Variants in NLGN1 observed in about 807,000 individuals in gnomAD.
The protein encoded by NLGN1 is neuroligin-1.
Under a neutral mutation model 65.5 loss-of-function variants are expected in NLGN1, and 12 were observed. The observed-to-expected ratio is 0.18, with a 90% CI of 0.12 to 0.30. NLGN1 has a LOEUF of 0.30. Ranked by LOEUF, NLGN1 falls within the 10% of genes least tolerant of loss-of-function variation. NLGN1 has a pLI of 1.00. For synonymous variants in NLGN1, 350 were observed against 359.5 expected, an observed-to-expected ratio of 0.97 and a Z score of 0.30; for missense variants, 750 against 1,007.1, an observed-to-expected ratio of 0.74 and a Z score of 3.46.
At chr3:173,857,237 G>A (rs535494313) in intron 4 of NLGN1, among the ~76,000 whole-genome samples, 3 of 152,004 alleles carry the variant, frequency 2.0e-5, no homozygotes, top group Non-Finnish European at 4.4e-5. Context: ...TTGGACACAA[G>A]TGTTACTGTT....
At chr3:173,503,102 G>A (rs532489528) in intron 2 of NLGN1, among the ~76,000 whole-genome samples, 3 of 151,932 alleles carry the variant, frequency 2.0e-5, no homozygotes, top group South Asian at 4.2e-4. Context: ...GTGTGTGTGC[G>A]TGTGAGTGTA....
At chr3:173,447,594 A>G (rs1358696754) in intron 2 of NLGN1, among the ~76,000 whole-genome samples, 1 of 152,188 alleles carries the variant, frequency 6.6e-6, no homozygotes, top group Non-Finnish European at 1.5e-5. Context: ...CAATTCTGTG[A>G]AGAAAGTCAT....
At chr3:173,573,620 AAGAC>A (rs1230566665) in intron 2 of NLGN1, among the ~76,000 whole-genome samples, 5 of 150,832 alleles carry the variant, frequency 3.3e-5, no homozygotes, top group Admixed American at 1.3e-4. Flanking sequence ...GTATAGGAAG[AAGAC>A]AGGCTTTCCT....
At chr3:173,480,514 A>T (rs994698265) in intron 2 of NLGN1, among the ~76,000 whole-genome samples, 1 of 152,116 alleles carries the variant, frequency 6.6e-6, no homozygotes, top group African/African-American at 2.4e-5. Context: ...TAGATCCAAG[A>T]TGTTACTCAT....
intron 4 of NLGN1, among the ~76,000 whole-genome samples, chr3:173,954,799 C>G (rs141154446): frequency 1.2e-3 from 186 of 152,088 alleles, no homozygotes; most frequent in African/African-American, 4.2e-3. Flanking sequence ...TCTTAAATAG[C>G]AACATAAACA....
chr3:173,959,697 A>T (rs978927064), intron 4 of NLGN1, among the ~76,000 whole-genome samples: 1 of 152,228 alleles, frequency 6.6e-6, no homozygotes, highest in African/African-American at 2.4e-5. Context: ...TTTACATCAT[A>T]TGCAAAAGTG....
At chr3:174,120,514 A>T (rs543245439) in intron 4 of NLGN1, among the ~76,000 whole-genome samples, 13 of 152,222 alleles carry the variant, frequency 8.5e-5, no homozygotes, top group African/African-American at 2.9e-4. Flanking sequence ...CTCAAAAAAA[A>T]AATAAAAATA....
intron 3 of NLGN1, among the ~76,000 whole-genome samples, chr3:173,734,618 G>T (rs1773446082): frequency 6.6e-6 from 1 of 151,448 alleles, no homozygotes; most frequent in Non-Finnish European, 1.5e-5. Context: ...GTCTAGGCTA[G>T]TCTTGAACTC....
chr3:174,247,324 C>T (rs1319995371), intron 4 of NLGN1, among the ~76,000 whole-genome samples: 2 of 152,128 alleles, frequency 1.3e-5, no homozygotes, highest in Non-Finnish European at 1.5e-5. Flanking sequence ...TACAACTAGT[C>T]CCTGACCTCA....
At chr3:173,646,593 A>T (rs1758311871) in intron 3 of NLGN1, among the ~76,000 whole-genome samples, 1 of 152,258 alleles carries the variant, frequency 6.6e-6, no homozygotes, top group Admixed American at 6.5e-5. Context: ...AAGTATCAAA[A>T]TATCTCATGT....
intron 1 of NLGN1, among the ~76,000 whole-genome samples, chr3:173,416,480 T>C (rs1045346173): frequency 1.3e-5 from 2 of 152,200 alleles, no homozygotes; most frequent in African/African-American, 4.8e-5. Flanking sequence ...TGAATTTCAC[T>C]GTGTGAGTTG....
At chr3:174,195,351 A>G (rs528493746) in intron 4 of NLGN1, among the ~76,000 whole-genome samples, 7 of 152,364 alleles carry the variant, frequency 4.6e-5, no homozygotes, top group African/African-American at 1.4e-4. Flanking sequence ...GATATTTCAG[A>G]GGCATTATTA....
intron 2 of NLGN1, among the ~76,000 whole-genome samples, chr3:173,497,114 T>A (rs115087873): frequency 0.032 from 4,794 of 152,024 alleles, 379 homozygotes; most frequent in African/African-American, 0.11. Flanking sequence ...CCAGGTGCGG[T>A]GGCTCACGCC....
intron 4 of NLGN1, among the ~76,000 whole-genome samples, chr3:174,200,447 A>G (rs1415117707): frequency 6.6e-6 from 1 of 152,172 alleles, no homozygotes; most frequent in Non-Finnish European, 1.5e-5. Context: ...CCAAATGTAA[A>G]CTAAGTTCTT....
At chr3:174,028,307 A>C (rs1729253945) in intron 4 of NLGN1, among the ~76,000 whole-genome samples, 1 of 152,176 alleles carries the variant, frequency 6.6e-6, no homozygotes, top group Admixed American at 6.5e-5. Context: ...AACTTCCCCA[A>C]AGTTGAGACT....
In NLGN1 at chr3:174,242,242, C is replaced by A. The variant is rs547624501; in HGVS notation, c.647-33073C>A. On this transcript the variant is annotated intron_variant, in intron 4 of 6. Transcript: ENST00000457714. ...TTGGTACACCATAAATCAGGGGTCC[C>A]CATCCCCCAGGCCATGGACCGTGCC... 1.2e-3 allele frequency among the ~76,000 whole-genome samples: 176 copies of A among 151,964 alleles called. 1 individual carries two copies. Among genetic ancestry groups the A allele is most frequent in the African/African-American group, 3.8e-3 (158 of 41,376 alleles).
chr3:174,256,573 G>A (rs1368133613), intron 4 of NLGN1, among the ~76,000 whole-genome samples: 1 of 152,044 alleles, frequency 6.6e-6, no homozygotes, highest in Admixed American at 6.6e-5. Flanking sequence ...GTGGCGGTGT[G>A]TTGGTACTTC....
chr3:174,225,652 G>A (rs9872298), intron 4 of NLGN1, among the ~76,000 whole-genome samples: 15,977 of 151,770 alleles, frequency 0.11, 1,924 homozygotes, highest in African/African-American at 0.29. Flanking sequence ...AATGGCGTGA[G>A]CCCGGGAGGC....
At chr3:174,120,715 A>AT (rs769081638) in intron 4 of NLGN1, among the ~76,000 whole-genome samples, 3 of 152,156 alleles carry the variant, frequency 2.0e-5, no homozygotes, top group East Asian at 1.9e-4. Flanking sequence ...TTATAGAAAA[A>AT]TATCTCTTTC....
Sources: allele counts gnomAD v4.1 joint callset (sites outside exome capture counted in the v4.1 genomes callset), GRCh38; gene constraint gnomAD v4.1.1; transcripts MANE v1.5; gene names NCBI Gene and HGNC (gene_info 2026-07-23, HGNC 2026-07-21).